SLC30A4: variants seen among roughly 807,000 people sequenced by gnomAD.
SLC30A4 encodes probable proton-coupled zinc antiporter SLC30A4.
In SLC30A4, 20 loss-of-function variants were observed where a neutral mutation model predicts 41.7. That is an observed-to-expected ratio of 0.48 (90% CI 0.34 to 0.70). The LOEUF is 0.70. Ranked by LOEUF, SLC30A4 falls within the 30% of genes least tolerant of loss-of-function variation. The probability of loss-of-function intolerance (pLI) is 0.01; values close to 1 mark genes in which losing one functional copy is unlikely to be tolerated. For missense variants in SLC30A4, 441 were observed against 529.3 expected (o/e 0.83, Z 1.64); for synonymous variants, 181 against 195.9 (o/e 0.92, Z 0.64).
chr15:45,498,240 T>C (rs1891945689), intron 3 of SLC30A4, among the ~76,000 whole-genome samples: 1 of 152,196 alleles, frequency 6.6e-6, no homozygotes, highest in Admixed American at 6.5e-5. Context: ...TATTTTTCTT[T>C]TCTACCTTCT....
intron 2 of SLC30A4, among the ~76,000 whole-genome samples, chr15:45,514,361 CAA>C (rs10595522): frequency 0.096 from 11,432 of 119,204 alleles, 1,489 homozygotes; most frequent in African/African-American, 0.33. Flanking sequence ...AACTCTGTCT[CAA>C]AAAAAAAAAA....
chr15:45,504,532 T>C (rs1892109106), intron 3 of SLC30A4, among the ~76,000 whole-genome samples: 1 of 152,186 alleles, frequency 6.6e-6, no homozygotes, highest in African/African-American at 2.4e-5. Flanking sequence ...TGTTACCATA[T>C]TATGATAAAA....
At chr15:45,510,695 T>C (rs965456120) in intron 3 of SLC30A4, among the ~76,000 whole-genome samples, 2 of 152,234 alleles carry the variant, frequency 1.3e-5, no homozygotes, top group Non-Finnish European at 2.9e-5. Flanking sequence ...CAGAATTATG[T>C]TGATACGATG....
At chr15:45,485,861 G>GCATGCACCAC in intron 7 of SLC30A4, among the ~76,000 whole-genome samples, 1 of 151,900 alleles carries the variant, frequency 6.6e-6, no homozygotes, top group African/African-American at 2.4e-5. Context: ...GGGATTACAG[G>GCATGCACCAC]CACGTGTCAC....
intron 2 of SLC30A4, among the ~76,000 whole-genome samples, chr15:45,519,995 T>G (rs1192005154): frequency 1.3e-5 from 2 of 152,202 alleles, no homozygotes; most frequent in Non-Finnish European, 2.9e-5. Context: ...GCATTTATAA[T>G]TATCTAACAG....
intron 3 of SLC30A4, among the ~76,000 whole-genome samples, chr15:45,508,111 C>T (rs1324767474): frequency 6.6e-6 from 1 of 152,126 alleles, no homozygotes; most frequent in Non-Finnish European, 1.5e-5. Flanking sequence ...GCATAAACCA[C>T]CATGTCCAGC....
chr15:45,519,106 C>T (rs1217894071), intron 2 of SLC30A4, among the ~76,000 whole-genome samples: 2 of 150,304 alleles, frequency 1.3e-5, no homozygotes, highest in Non-Finnish European at 3.0e-5. Flanking sequence ...CTCTCAAACT[C>T]CTGACCTCAA....
intron 3 of SLC30A4, among the ~76,000 whole-genome samples, chr15:45,508,156 G>A (rs1241148371): frequency 6.6e-6 from 1 of 152,096 alleles, no homozygotes; most frequent in African/African-American, 2.4e-5. Flanking sequence ...GTAGGGCAGG[G>A]CAGAGGATAA....
At chr15:45,494,033 G>A (rs1658781350) in intron 3 of SLC30A4, among the ~76,000 whole-genome samples, 1 of 151,994 alleles carries the variant, frequency 6.6e-6, no homozygotes, top group African/African-American at 2.4e-5. Flanking sequence ...AATATACAAA[G>A]CTATGGAGAG....
chr15:45,485,583 TA>T (rs1595520649), intron 7 of SLC30A4, among the ~76,000 whole-genome samples: 1 of 152,198 alleles, frequency 6.6e-6, no homozygotes, highest in African/African-American at 2.4e-5. Context: ...TTGTGCACAT[TA>T]AAAGTAAACC....
intron 2 of SLC30A4, among the ~76,000 whole-genome samples, chr15:45,518,161 T>C (rs1282023133): frequency 3.3e-5 from 5 of 152,168 alleles, no homozygotes; most frequent in Non-Finnish European, 7.3e-5. Flanking sequence ...TACATGCTGT[T>C]CTCTTCTCTT....
chr15:45,502,233 C>G (rs992563308), intron 3 of SLC30A4: 1 of 151,804 alleles, frequency 6.6e-6, no homozygotes, highest in Non-Finnish European at 1.5e-5. Context: ...TCCTGAGTAG[C>G]TGGGATTATA....
chr15:45,497,501 G>C (rs774806229), intron 3 of SLC30A4, among the ~76,000 whole-genome samples: 1 of 152,098 alleles, frequency 6.6e-6, no homozygotes, highest in Non-Finnish European at 1.5e-5. Flanking sequence ...ACAAGATCAC[G>C]GGTCTTTTCA....
intron 3 of SLC30A4, among the ~76,000 whole-genome samples, chr15:45,501,295 G>A (rs1034037058): frequency 6.6e-6 from 1 of 151,276 alleles, no homozygotes; most frequent in Non-Finnish European, 1.5e-5. Flanking sequence ...GCAACAGAGC[G>A]AAACTCCATC....
chr15:45,517,316 G>T (rs1892510940), intron 2 of SLC30A4, among the ~76,000 whole-genome samples: 2 of 136,000 alleles, frequency 1.5e-5, no homozygotes, highest in Admixed American at 7.5e-5. Flanking sequence ...TCATATTCTT[G>T]CTTCCAAGAA....
intron 3 of SLC30A4, among the ~76,000 whole-genome samples, chr15:45,504,852 T>C (rs1350207277): frequency 1.3e-5 from 2 of 152,202 alleles, no homozygotes; most frequent in Non-Finnish European, 2.9e-5. Context: ...GAGCCAGAGC[T>C]TGAGCCAAAC....
chr15:45,522,624 G>C lies in SLC30A4; in HGVS notation c.-132C>G, dbSNP rs1892712950. The C allele has an allele frequency of 3.1e-6, 1 of 317,970 alleles. No individual in the cohort carries two copies. The allele number at this position is 317,970 out of a possible 1,614,324, so 19.7% of individuals were successfully genotyped here. A position where few individuals can be genotyped will look rare whatever the true frequency, so the allele number is the denominator to read the frequency against. The stretch of plus-strand genomic sequence containing the variant: ...TTTAATACCTGGGGCGCTGCCGCGG[G>C]GCCGCAACTCATCTCCCCGCCCCCG... On this transcript the variant is annotated 5_prime_UTR_variant, in exon 1 of 8. Coordinates refer to ENST00000261867, the MANE Select transcript of SLC30A4 (RefSeq NM_013309.6).
In SLC30A4 at chr15:45,522,477, A is replaced by G. The variant is rs769157482; in HGVS notation, c.-114-9T>C. The G allele has an allele frequency of 5.6e-5, 55 of 975,324 alleles. No individual in the cohort carries two copies. The highest frequency in any genetic ancestry group is 7.3e-5 in the Non-Finnish European group (50 of 680,562). The allele number at this position is 975,324 out of a possible 1,614,324, so 60.4% of individuals were successfully genotyped here. A position where few individuals can be genotyped will look rare whatever the true frequency, so the allele number is the denominator to read the frequency against. On this transcript the variant is annotated splice_polypyrimidine_tract_variant and intron_variant, in intron 1 of 7. Transcript: ENST00000261867. ...GCGCGTCCCTCCCCATCCTGTGGAA[A>G]ACGAAACACGTTATAAATTAAAGGC...
At chr15:45,520,958 A>C (rs1892648462) in intron 2 of SLC30A4, 1 of 441,614 alleles carries the variant, frequency 2.3e-6, no homozygotes, top group Non-Finnish European at 4.6e-6. Context: ...GAGCTTTGTG[A>C]GTTGTAAGAG....
Sources: gnomAD v4.1 joint callset for allele counts (sites outside exome capture counted in the v4.1 genomes callset) on GRCh38, gnomAD v4.1.1 for gene constraint, MANE v1.5 for transcripts, NCBI Gene and HGNC (gene_info 2026-07-23, HGNC 2026-07-21) for gene names.